Variants in CLSTN2 observed in about 807,000 individuals in gnomAD.
CLSTN2 encodes calsyntenin-2.
Under a neutral mutation model 101.2 loss-of-function variants are expected in CLSTN2, and 48 were observed. The observed-to-expected ratio is 0.47, with a 90% CI of 0.38 to 0.60. The LOEUF (loss-of-function observed/expected upper bound fraction) is 0.60. CLSTN2 is among the 20% of genes least tolerant of loss of function. The pLI is 0.00. For missense variants in CLSTN2, 1,160 were observed against 1,238.2 expected (o/e 0.94, Z 0.95); for synonymous variants, 481 against 463.6 (o/e 1.04, Z -0.48).
chr3:140,461,770 T>A (rs1162296991), intron 7 of CLSTN2, among the ~76,000 whole-genome samples: 2 of 152,126 alleles, frequency 1.3e-5, no homozygotes, highest in Non-Finnish European at 2.9e-5. Flanking sequence ...AGCAGTCCCC[T>A]GAGAAGGCAT....
intron 8 of CLSTN2, among the ~76,000 whole-genome samples, chr3:140,490,178 C>G (rs928791510): frequency 7.2e-6 from 1 of 139,810 alleles, no homozygotes; most frequent in African/African-American, 2.6e-5. Flanking sequence ...ACAGCCTCTG[C>G]CTCTAACCAG....
intron 1 of CLSTN2, among the ~76,000 whole-genome samples, chr3:140,108,991 A>T (rs2009108982): frequency 6.6e-6 from 1 of 152,166 alleles, no homozygotes; most frequent in African/African-American, 2.4e-5. Context: ...GGTGTGCCTC[A>T]GAAGGGTGAA....
Position 140,562,970 on chromosome 3 carries a change from G to C in CLSTN2, c.2358+14G>C. 6.2e-7 allele frequency: 1 copy of C among 1,613,762 alleles called. No individual in the cohort carries two copies. Among genetic ancestry groups the C allele is most frequent in the Non-Finnish European group, 8.5e-7 (1 of 1,179,726 alleles). Reference sequence around the variant, plus strand: ...TTCAACTTGGAGGTGAGTGGGTCCTGCCATTGTTAGGGAAGCCAAGGCTCA... The same window carrying C: ...TTCAACTTGGAGGTGAGTGGGTCCTCCCATTGTTAGGGAAGCCAAGGCTCA... On this transcript the variant is annotated intron_variant, in intron 14 of 16. Coordinates refer to ENST00000458420, the MANE Select transcript of CLSTN2 (RefSeq NM_022131.3).
At chr3:140,251,143 G>A (rs943208333) in intron 2 of CLSTN2, among the ~76,000 whole-genome samples, 14 of 152,194 alleles carry the variant, frequency 9.2e-5, no homozygotes, top group African/African-American at 2.4e-4. Flanking sequence ...CTTTCTCTGC[G>A]TCTATCCTTG....
In CLSTN2 at chr3:139,978,648, TTGTGTGTGTGTGTGTGTGTGTGTGTG is replaced by T. The variant is rs552137591; in HGVS notation, c.109+43195_109+43220del. On this transcript the variant is annotated intron_variant, in intron 1 of 16. Coordinates refer to ENST00000458420, the MANE Select transcript of CLSTN2 (RefSeq NM_022131.3). ...TGCTGGGAGGATGGGGGATGGGGGA[TTGTGTGTGTGTGTGTGTGTGTGTGTG>T]TGTGTGTGTGTGTGTGTGTGTGTGT... is the stretch of plus-strand genomic sequence containing the variant. Among the ~76,000 whole-genome samples the T allele has an allele frequency of 2.5e-3, 340 of 135,572 alleles. 1 individual carries two copies. Among genetic ancestry groups the T allele is most frequent in the African/African-American group, 8.8e-3 (304 of 34,438 alleles). The allele number at this position is 135,572 out of a possible 152,430, so 88.9% of individuals were successfully genotyped here. A position where few individuals can be genotyped will look rare whatever the true frequency, so the allele number is the denominator to read the frequency against.
intron 8 of CLSTN2, among the ~76,000 whole-genome samples, chr3:140,501,010 T>G (rs1268055115): frequency 6.6e-6 from 1 of 152,136 alleles, no homozygotes; most frequent in Non-Finnish European, 1.5e-5. Context: ...TCACTTCTAG[T>G]TGAGTGTTCG....
intron 10 of CLSTN2, among the ~76,000 whole-genome samples, chr3:140,549,651 A>G (rs1233370154): frequency 6.7e-6 from 1 of 149,234 alleles, no homozygotes; most frequent in Non-Finnish European, 1.5e-5. Context: ...TCTTTCTTCC[A>G]TATCAGCAAC....
chr3:140,152,900 A>C (rs535029478), intron 1 of CLSTN2, among the ~76,000 whole-genome samples: 1 of 152,368 alleles, frequency 6.6e-6, no homozygotes, highest in East Asian at 1.9e-4. Context: ...TGCTGTGTGC[A>C]AGCCCTGAGG....
chr3:140,360,780 A>T (rs2087722630), intron 2 of CLSTN2, among the ~76,000 whole-genome samples: 1 of 152,234 alleles, frequency 6.6e-6, no homozygotes, highest in African/African-American at 2.4e-5. Context: ...GAAGAAAAAA[A>T]ACCCCAAATA....
intron 8 of CLSTN2, among the ~76,000 whole-genome samples, chr3:140,484,805 C>A (rs1934203278): frequency 6.6e-6 from 1 of 152,192 alleles, no homozygotes; most frequent in South Asian, 2.1e-4. Context: ...TGGTTTTCAG[C>A]TCCATCAGGT....
intron 1 of CLSTN2, among the ~76,000 whole-genome samples, chr3:140,099,081 G>T (rs1370123351): frequency 6.6e-6 from 1 of 152,154 alleles, no homozygotes; most frequent in Non-Finnish European, 1.5e-5. Flanking sequence ...TCCGTATGTG[G>T]CTCAATCTCA....
intron 1 of CLSTN2, among the ~76,000 whole-genome samples, chr3:139,993,518 G>A (rs1936151115): frequency 6.6e-6 from 1 of 152,118 alleles, no homozygotes; most frequent in Non-Finnish European, 1.5e-5. Context: ...ATGATCAAAT[G>A]GATATCAGAG....
intron 1 of CLSTN2, among the ~76,000 whole-genome samples, chr3:140,031,010 C>A (rs2007535782): frequency 6.6e-6 from 1 of 152,228 alleles, no homozygotes; most frequent in Non-Finnish European, 1.5e-5. Context: ...TTTGACACTG[C>A]CTCTTCTTGC....
chr3:140,073,077 G>T (rs2008422014), intron 1 of CLSTN2, among the ~76,000 whole-genome samples: 1 of 152,164 alleles, frequency 6.6e-6, no homozygotes, highest in African/African-American at 2.4e-5. Context: ...ACGAATGGTG[G>T]CACTGGAACT....
intron 1 of CLSTN2, among the ~76,000 whole-genome samples, chr3:140,107,121 G>A (rs2009072540): frequency 6.6e-6 from 1 of 152,086 alleles, no homozygotes; most frequent in African/African-American, 2.4e-5. Context: ...TGGACTAGAG[G>A]GCTCCCAACA....
At chr3:140,092,161 C>T (rs553070407) in intron 1 of CLSTN2, among the ~76,000 whole-genome samples, 50 of 152,312 alleles carry the variant, frequency 3.3e-4, no homozygotes, top group Non-Finnish European at 4.3e-4. Context: ...TGTGCCCCCT[C>T]AAACCTCCTG....
chr3:140,328,300 C>A (rs1290040729), intron 2 of CLSTN2, among the ~76,000 whole-genome samples: 1 of 152,092 alleles, frequency 6.6e-6, no homozygotes, highest in Non-Finnish European at 1.5e-5. Flanking sequence ...GCAGAGAGAC[C>A]AACTCCTTAA....
chr3:140,290,470 C>A (rs567830675), intron 2 of CLSTN2, among the ~76,000 whole-genome samples: 1 of 152,096 alleles, frequency 6.6e-6, no homozygotes, highest in South Asian at 2.1e-4. Flanking sequence ...GATGGGGTGC[C>A]CTTTGAGGTG....
At chr3:140,409,425 C>T (rs2088338679) in intron 4 of CLSTN2, among the ~76,000 whole-genome samples, 1 of 152,200 alleles carries the variant, frequency 6.6e-6, no homozygotes, top group South Asian at 2.1e-4. Flanking sequence ...ACCCCAGCTA[C>T]CTGAACCAAT....
Sources: allele counts gnomAD v4.1 joint callset (sites outside exome capture counted in the v4.1 genomes callset), GRCh38; gene constraint gnomAD v4.1.1; transcripts MANE v1.5; gene names NCBI Gene and HGNC (gene_info 2026-07-23, HGNC 2026-07-21).